Variants in SHPRH observed in about 807,000 individuals in gnomAD.
SHPRH encodes SNF2 histone linker PHD RING helicase.
In SHPRH, 106 loss-of-function variants were observed where a neutral mutation model predicts 202.5. That is an observed-to-expected ratio of 0.52 (90% CI 0.45 to 0.62). SHPRH has a LOEUF of 0.62. SHPRH is among the 20% of genes least tolerant of loss of function. SHPRH has a pLI of 0.00. For missense variants in SHPRH, 1,710 were observed against 2,020.0 expected, an observed-to-expected ratio of 0.85 and a Z score of 2.94; for synonymous variants, 729 against 686.0, an observed-to-expected ratio of 1.06 and a Z score of -0.98.
At chr6:145,961,978 T>G (rs758096819) in intron 1 of SHPRH, among the ~76,000 whole-genome samples, 22 of 152,234 alleles carry the variant, frequency 1.4e-4, no homozygotes, top group South Asian at 4.1e-4. Flanking sequence ...TCTAACCACA[T>G]CCCATATTCT....
chr6:145,922,318 G>A lies in SHPRH; in HGVS notation c.3750C>T (p.Phe1250=). 1 of 1,564,338 alleles carries A rather than the reference G, an allele frequency of 6.4e-7. No homozygotes were observed. The highest frequency in any genetic ancestry group is 8.6e-7 in the Non-Finnish European group (1 of 1,164,748). The stretch of plus-strand genomic sequence containing the variant: ...AAAATAGCTTTGATTCATACTCTGT[G>A]AACAATTCATCAGCTTTACAAAAGA... ...CCVFCKADEL[F]TEYESKLFSN... The change falls in exon 20 of 30, where the codon TTC becomes TTT. Residue 1250 remains phenylalanine, a synonymous_variant. Coordinates refer to ENST00000275233, the MANE Select transcript of SHPRH (RefSeq NM_001042683.3).
chr6:145,899,458 T>C (rs2128722297), intron 25 of SHPRH, among the ~76,000 whole-genome samples: 1 of 152,146 alleles, frequency 6.6e-6, no homozygotes, highest in East Asian at 1.9e-4. Context: ...GTCTCTTCAA[T>C]AAACTGTGCT....
chr6:145,919,236 A>G, intron 22 of SHPRH, 112 bp downstream of exon 22: 1 of 1,393,958 alleles, frequency 7.2e-7, no homozygotes, highest in Admixed American at 2.4e-5. Flanking sequence ...AATGGAGATT[A>G]AATACACACT....
intron 2 of SHPRH, among the ~76,000 whole-genome samples, chr6:145,874,067 G>A (rs1434649075): frequency 6.6e-6 from 1 of 151,964 alleles, no homozygotes; most frequent in African/African-American, 2.4e-5. Context: ...GCATGGTGGA[G>A]CAAGCCTGTA....
At chr6:145,906,297 T>A (rs1000511135) in intron 25 of SHPRH, 3 of 152,058 alleles carry the variant, frequency 2.0e-5, no homozygotes, top group Non-Finnish European at 4.4e-5. Context: ...CTTGGACAGC[T>A]CATCCAAAAT....
Position 145,952,380 on chromosome 6 carries a change from T to G in SHPRH, c.732A>C (p.Val244=). The G allele has an allele frequency of 5.6e-6, 9 of 1,607,350 alleles. No individual in the cohort carries two copies. Among genetic ancestry groups the G allele is most frequent in the Non-Finnish European group, 7.6e-6 (9 of 1,176,724 alleles). ...TAATAGAATTGTGTAACTTTTCCAT[T>G]ACTTTCTTCATGAGCTGATTGAACT... is the stretch of plus-strand genomic sequence containing the variant. ...MKKFNQLMKK[V]MEKLHNSIIP... The change falls in exon 3 of 30, where the codon GTA becomes GTC. Residue 244 remains valine (V), a synonymous_variant. Coordinates refer to ENST00000275233, the MANE Select transcript of SHPRH (RefSeq NM_001042683.3).
intron 28 of SHPRH, among the ~76,000 whole-genome samples, chr6:145,891,150 TC>T (rs1335172800): frequency 6.6e-6 from 1 of 152,106 alleles, no homozygotes; most frequent in East Asian, 1.9e-4. Context: ...AAAAGCACCA[TC>T]CTCACAGTGG....
intron 24 of SHPRH, 76 bp from the exon 25 acceptor site, chr6:145,910,712 G>T: frequency 7.5e-7 from 1 of 1,328,832 alleles, no homozygotes; most frequent in South Asian, 2.0e-5. Context: ...AAAGAGATTC[G>T]CAATTTTTCC....
Position 145,922,802 on chromosome 6 carries a change from T to A in SHPRH, c.3580A>T (p.Thr1194Ser). 1 of 1,611,796 alleles carries A rather than the reference T, an allele frequency of 6.2e-7. No homozygotes were observed. Among genetic ancestry groups the A allele is most frequent in the Non-Finnish European group, 8.5e-7 (1 of 1,178,590 alleles). ...TTATTTAGCTCTTCCATTTGTGTTGTAAGTAAGAACTGAAGACCTCTGCAA... is the reference window on the plus strand; with the variant it reads ...TTATTTAGCTCTTCCATTTGTGTTGAAAGTAAGAACTGAAGACCTCTGCAA... ...RDCRGLQFLL[T>S]TQMEELNKCQ... The change falls in exon 19 of 30, where the codon ACA (threonine) becomes TCA (serine). Residue 1194 changes from threonine (T) to serine (S), a missense_variant. By Grantham distance (58) the Thr-to-Ser change is moderately conservative (BLOSUM62 1). Around this residue, in one of 8 missense-constraint regions of SHPRH, gnomAD observed 288 missense variants for 317.8 expected, o/e 0.91. Transcript: ENST00000275233.
intron 16 of SHPRH, among the ~76,000 whole-genome samples, chr6:145,925,281 T>G (rs958592441): frequency 6.6e-6 from 1 of 151,208 alleles, no homozygotes; most frequent in Non-Finnish European, 1.5e-5. Context: ...GGAACTGAAT[T>G]TTGTTTCCCC....
rs1035688634 is a variant in SHPRH, at chr6:145,955,004, G to A, written c.319C>T (p.His107Tyr). The change falls in exon 2 of 30, where the codon CAT (histidine) becomes TAT (tyrosine). Residue 107 changes from histidine to tyrosine, a missense_variant. By Grantham distance (83) the His-to-Tyr change is moderately conservative (BLOSUM62 2). Coordinates refer to ENST00000275233, the MANE Select transcript of SHPRH (RefSeq NM_001042683.3). ...AATGCTTTCCAGGAATTATCAAAAT[G>A]ATAGGGAGAAATCACAATATTTAAC... ...VKLNIVISPY[H>Y]FDNSWKAFLG... 6.2e-7 allele frequency: 1 copy of A among 1,613,634 alleles called. No individual in the cohort carries two copies. Among genetic ancestry groups the A allele is most frequent in the Non-Finnish European group, 8.5e-7 (1 of 1,179,882 alleles).
chr6:145,926,630 T>G (rs939886623), intron 15 of SHPRH, among the ~76,000 whole-genome samples: 5 of 151,962 alleles, frequency 3.3e-5, no homozygotes, highest in African/African-American at 1.2e-4. Context: ...ATATTGTGAA[T>G]GGTAATGACA....
intron 1 of SHPRH, among the ~76,000 whole-genome samples, chr6:145,956,313 A>C (rs139173486): frequency 6.6e-6 from 1 of 152,218 alleles, no homozygotes; most frequent in Admixed American, 6.5e-5. Context: ...GAAAACCAAG[A>C]AGCTCAATGA....
intron 25 of SHPRH, among the ~76,000 whole-genome samples, chr6:145,895,578 T>C (rs1262444852): frequency 1.3e-5 from 2 of 150,626 alleles, no homozygotes. Context: ...TTCTATCAGA[T>C]GAGGATGAAA....
At chr6:145,905,668 T>C (rs2128729281) in intron 25 of SHPRH, 1 of 152,252 alleles carries the variant, frequency 6.6e-6, no homozygotes, top group East Asian at 1.9e-4. Flanking sequence ...ATTCAAGTTC[T>C]GCTCTTTAGA....
chr6:145,899,972 TA>T (rs1309665929), intron 25 of SHPRH, among the ~76,000 whole-genome samples: 3 of 152,108 alleles, frequency 2.0e-5, no homozygotes, highest in African/African-American at 7.2e-5. Context: ...TCATTCCTGT[TA>T]GAATGACTAT....
At chr6:145,917,396 T>C (rs1784049473) in intron 23 of SHPRH, 1 of 152,140 alleles carries the variant, frequency 6.6e-6, no homozygotes, top group Non-Finnish European at 1.5e-5. Context: ...AGTTCCAAAG[T>C]CTACCTTCTT....
intron 22 of SHPRH, 33 bp from the exon 23 acceptor site, chr6:145,918,265 C>A (rs1047162160): frequency 5.9e-6 from 8 of 1,344,592 alleles, no homozygotes; most frequent in Non-Finnish European, 8.0e-6. Context: ...CTTCTTTATT[C>A]TTTCAGAAAG....
intron 14 of SHPRH, 135 bp from the exon 15 acceptor site, chr6:145,927,412 G>C (rs1352863170): frequency 1.0e-5 from 8 of 772,900 alleles, no homozygotes; most frequent in Non-Finnish European, 4.0e-6. Flanking sequence ...AAAGAAATTT[G>C]ACTTGGTATT....
Sources: allele counts gnomAD v4.1 joint callset (sites outside exome capture counted in the v4.1 genomes callset), GRCh38; gene constraint gnomAD v4.1.1; regional missense constraint gnomAD v4.1.1; transcripts MANE v1.5; gene names NCBI Gene and HGNC (gene_info 2026-07-23, HGNC 2026-07-21).